ERAP2: variants seen among roughly 807,000 people sequenced by gnomAD.
ERAP2 encodes the protein endoplasmic reticulum aminopeptidase 2, also known as leukocyte-derived arginine aminopeptidase.
ERAP2 carries 118 observed loss-of-function variants against 111.1 expected under a neutral mutation model. That is an observed-to-expected ratio of 1.06 (90% CI 0.92 to 1.24). ERAP2 has a LOEUF of 1.24. Ranked by LOEUF, ERAP2 falls within the 50% of genes most tolerant of loss-of-function variation. The pLI, the probability that ERAP2 is intolerant of heterozygous loss-of-function variation, is 0.00. For missense variants in ERAP2, 1,131 were observed against 1,125.8 expected, an observed-to-expected ratio of 1.00 and a Z score of -0.07; for synonymous variants, 410 against 401.2, an observed-to-expected ratio of 1.02 and a Z score of -0.26.
intron 14 of ERAP2, among the ~76,000 whole-genome samples, 196 bp downstream of exon 14, chr5:96,909,313 C>A (rs1444779577): frequency 6.6e-6 from 1 of 152,186 alleles, no homozygotes; most frequent in Non-Finnish European, 1.5e-5. Flanking sequence ...GGATCATGTG[C>A]AAAACATCTC....
At chr5:96,878,163 G>A (rs546741093) in intron 1 of ERAP2, among the ~76,000 whole-genome samples, 4 of 152,238 alleles carry the variant, frequency 2.6e-5, no homozygotes, top group Admixed American at 2.6e-4. Flanking sequence ...ATTTACAAAG[G>A]TAGTAAATTC....
Position 96,912,722 on chromosome 5 carries a change from CTGTCAA to C in ERAP2, c.2447_2452del (p.Met816_Ser817del). 6.2e-7 allele frequency: 1 copy of C among 1,603,880 alleles called. No individual in the cohort carries two copies. The highest frequency in any genetic ancestry group is 8.5e-7 in the Non-Finnish European group (1 of 1,177,062). ...GAATTACCTTTTAGAGCAATATGAA[CTGTCAA>C]TGTCAAGTGCTGAACAAAACAAAAT... is the stretch of plus-strand genomic sequence containing the variant. On this transcript the variant is annotated inframe_deletion, in exon 16 of 19. Coordinates refer to ENST00000437043, the MANE Select transcript of ERAP2 (RefSeq NM_022350.5).
In ERAP2 at chr5:96,896,410, C is replaced by T. The variant is rs1561378490; in HGVS notation, c.1277C>T (p.Thr426Ile). The T allele has an allele frequency of 6.2e-7, 1 of 1,611,990 alleles. No individual in the cohort carries two copies. Among genetic ancestry groups the T allele is most frequent in the African/African-American group, 1.3e-5 (1 of 74,854 alleles). Reference protein sequence around the residue: ...YFLNVCFEVITKDSLNSSRPI... With the variant: ...YFLNVCFEVIIKDSLNSSRPI... ...TTGAATGTGTGTTTTGAAGTAATTA[C>T]AAAAGATTCATTGAATTCATCCCGC... The change falls in exon 8 of 19, where the codon ACA becomes ATA. Residue 426 changes from threonine (T) to isoleucine (I), a missense_variant. Around this residue, in one of 3 missense-constraint regions of ERAP2, gnomAD observed 847 missense variants for 856.5 expected, o/e 0.99. Coordinates refer to ENST00000437043, the MANE Select transcript of ERAP2 (RefSeq NM_022350.5).
chr5:96,881,584 T>C, intron 2 of ERAP2: 1 of 435,416 alleles, frequency 2.3e-6, no homozygotes, highest in South Asian at 1.6e-5. Flanking sequence ...GGGGCATATT[T>C]TTCTCATGCA....
chr5:96,914,456 A>G (rs757078274), intron 17 of ERAP2, among the ~76,000 whole-genome samples: 42 of 152,314 alleles, frequency 2.8e-4, no homozygotes, highest in Middle Eastern at 3.4e-3. Flanking sequence ...AAACTGCTTT[A>G]ATATGTATGT....
intron 5 of ERAP2, 96 bp downstream of exon 5, chr5:96,889,401 C>G (rs768576483): frequency 3.0e-5 from 41 of 1,352,264 alleles, no homozygotes; most frequent in Non-Finnish European, 2.4e-5. Flanking sequence ...TAAATGAGCA[C>G]TGAGGAATTC....
chr5:96,884,045 T>TCTAC, intron 3 of ERAP2, 115 bp downstream of exon 3: 3 of 356,088 alleles, frequency 8.4e-6, no homozygotes, highest in Non-Finnish European at 1.5e-5. Flanking sequence ...TATCTATCTA[T>TCTAC]CTATCTATCT....
chr5:96,883,769 G>A lies in ERAP2; in HGVS notation c.576-23G>A, dbSNP rs776579246. ...TTCTTGATTTCACTTGTGCATTTTGGCTGGGGGTGGGTCTTTTCACAGAAT... is the reference window on the plus strand; with the variant it reads ...TTCTTGATTTCACTTGTGCATTTTGACTGGGGGTGGGTCTTTTCACAGAAT... On this transcript the variant is annotated intron_variant, in intron 2 of 18. Transcript: ENST00000437043. The A allele has an allele frequency of 1.9e-6, 3 of 1,600,786 alleles. No individual in the cohort carries two copies. The South Asian group carries it at 3.4e-5, about 18-fold the overall frequency.
At chr5:96,900,026 G>T in intron 9 of ERAP2, 95 bp from the exon 10 acceptor site, 2 of 1,376,924 alleles carry the variant, frequency 1.5e-6, no homozygotes, top group Non-Finnish European at 2.0e-6. Context: ...ATTTCATATA[G>T]CTCTTTTAAT....
In ERAP2 at chr5:96,902,292, A is replaced by G. The variant is rs1277336545; in HGVS notation, c.1767A>G (p.Pro589=). Residue 589 remains proline (P), a synonymous_variant, in exon 12 of 19, where the codon CCA becomes CCG. Coordinates refer to ENST00000437043, the MANE Select transcript of ERAP2 (RefSeq NM_022350.5). ...ALQERYLWHI[P]LTYSTSSSNV... is the part of the protein sequence containing the mutation. ...GTCATAGGTACCTGTGGCATATCCC[A>G]TTGACCTACTCCACGAGTTCTTCTA... The G allele has an allele frequency of 1.9e-6, 3 of 1,610,354 alleles. No individual in the cohort carries two copies. Among genetic ancestry groups the G allele is most frequent in the African/African-American group, 2.7e-5 (2 of 74,808 alleles).
At chr5:96,900,389 T>A in intron 10 of ERAP2, 200 bp downstream of exon 10, 2 of 852,310 alleles carry the variant, frequency 2.3e-6, no homozygotes, top group Non-Finnish European at 3.3e-6. Flanking sequence ...TATATTTTTG[T>A]TGTTATAGTT....
intron 5 of ERAP2, among the ~76,000 whole-genome samples, chr5:96,890,934 T>C (rs953353185): frequency 3.3e-5 from 5 of 152,168 alleles, no homozygotes; most frequent in African/African-American, 1.2e-4. Context: ...AAAGAGCATA[T>C]GAAATATCTT....
intron 2 of ERAP2, among the ~76,000 whole-genome samples, chr5:96,880,680 C>G (rs1464849876): frequency 6.7e-6 from 1 of 148,576 alleles, no homozygotes; most frequent in Non-Finnish European, 1.5e-5. Context: ...AGCCATGACT[C>G]ATATCGAATA....
Position 96,901,677 on chromosome 5 carries a change from G to A in ERAP2, c.1744G>A (p.Glu582Lys). The change falls in exon 11 of 19, where the codon GAG becomes AAG. Residue 582 changes from glutamate (E) to lysine (K), a missense_variant. Physicochemically the swap from Glu to Lys is moderately conservative, Grantham distance 56. Coordinates refer to ENST00000437043, the MANE Select transcript of ERAP2 (RefSeq NM_022350.5). Reference protein sequence around the residue: ...QEDPEWRALQERYLWHIPLTY... With the variant: ...QEDPEWRALQKRYLWHIPLTY... Reference sequence around the variant, plus strand: ...AGACCCTGAATGGAGGGCCCTGCAGGAGAGGTGGCTGCTTTTCTTCTTTAG... The same window carrying A: ...AGACCCTGAATGGAGGGCCCTGCAGAAGAGGTGGCTGCTTTTCTTCTTTAG... The A allele has an allele frequency of 1.2e-6, 2 of 1,613,492 alleles. No individual in the cohort carries two copies.
rs754173480 is a variant in ERAP2 at position 96,896,720 on chromosome 5, T to A, written c.1372-12T>A. The A allele has an allele frequency of 6.4e-7, 1 of 1,560,812 alleles. No individual in the cohort carries two copies. Among genetic ancestry groups the A allele is most frequent in the East Asian group, 2.3e-5 (1 of 44,140 alleles). Reference sequence around the variant, plus strand: ...TTATCTCTTTTTTCAACTCTTTTGTTTTTTTTTAAAGGGAGCTTGTATTTT... The same window carrying A: ...TTATCTCTTTTTTCAACTCTTTTGTATTTTTTTAAAGGGAGCTTGTATTTT... On this transcript the variant is annotated splice_polypyrimidine_tract_variant and intron_variant, in intron 8 of 18. Transcript: ENST00000437043.
chr5:96,892,596 A>G (rs1217172444), intron 6 of ERAP2, 143 bp downstream of exon 6: 2 of 867,210 alleles, frequency 2.3e-6, no homozygotes, highest in South Asian at 1.7e-5. Context: ...CACAACGTCA[A>G]GTAGCACAGT....
At position 96,918,561 on chromosome 5, in the gene ERAP2, G is replaced by A. The variant is rs953356133; in HGVS notation, c.*956G>A. 9.9e-5 allele frequency: 15 copies of A among 151,918 alleles called. No individual in the cohort carries two copies. The highest frequency in any genetic ancestry group is 3.6e-4 in the African/African-American group (15 of 41,346). 9.4% of individuals were successfully genotyped at this position (151,918 alleles called of 1,614,324 possible). A position where few individuals can be genotyped will look rare whatever the true frequency, so the allele number is the denominator to read the frequency against. ...ATGGTCTCTGGTCAAATGAATGAAT[G>A]GTCAAATGAATAAATCTGCCCTCAC... On this transcript the variant is annotated 3_prime_UTR_variant, in exon 19 of 19. Transcript: ENST00000437043.
In ERAP2 at chr5:96,879,706, G is replaced by A; in HGVS notation, c.21G>A (p.Met7Ile). MFHSSA[M>I]VNSHRKPMFN... Reference sequence around the variant, plus strand: ...ATTTCATGTTCCATTCTTCTGCAATGGTTAATTCACACAGAAAACCAATGT... The same window carrying A: ...ATTTCATGTTCCATTCTTCTGCAATAGTTAATTCACACAGAAAACCAATGT... Residue 7 changes from methionine (M) to isoleucine (I), a missense_variant, in exon 2 of 19, where the codon ATG (methionine) becomes ATA (isoleucine). Met to Ile is a conservative substitution (Grantham distance 10). This residue lies in a region of ERAP2 where 847 missense variants were observed against 856.5 expected (regional missense o/e 0.99). Coordinates refer to ENST00000437043, the MANE Select transcript of ERAP2 (RefSeq NM_022350.5). 6.2e-7 allele frequency: 1 copy of A among 1,613,904 alleles called. No homozygotes were observed. The highest frequency in any genetic ancestry group is 8.5e-7 in the Non-Finnish European group (1 of 1,179,862).
At chr5:96,904,362 C>T (rs1785805532) in intron 13 of ERAP2, among the ~76,000 whole-genome samples, 1 of 152,170 alleles carries the variant, frequency 6.6e-6, no homozygotes, top group Non-Finnish European at 1.5e-5. Flanking sequence ...GTGATGCACT[C>T]ACTTTACTCA....
Sources: allele counts gnomAD v4.1 joint callset (sites outside exome capture counted in the v4.1 genomes callset), GRCh38; gene constraint gnomAD v4.1.1; regional missense constraint gnomAD v4.1.1; transcripts MANE v1.5; gene names NCBI Gene and HGNC (gene_info 2026-07-23, HGNC 2026-07-21).